The following ARHGEF10L variants were observed in gnomAD, a reference collection of about 807,000 sequenced individuals.
ARHGEF10L encodes the protein rho guanine nucleotide exchange factor 10-like protein.
A neutral mutation model predicts 141.2 loss-of-function variants in ARHGEF10L; 69 were observed. That is an observed-to-expected ratio of 0.49 (90% CI 0.40 to 0.60). The LOEUF (loss-of-function observed/expected upper bound fraction) is 0.60. Among genes scored for constraint, ARHGEF10L ranks in the 20% least tolerant of loss-of-function variants. ARHGEF10L has a pLI of 0.00. For missense variants in ARHGEF10L, 1,482 were observed against 1,734.3 expected, an observed-to-expected ratio of 0.85 and a Z score of 2.58; for synonymous variants, 711 against 718.5, an observed-to-expected ratio of 0.99 and a Z score of 0.17.
chr1:17,637,503 T>C (rs1426616266), intron 18 of ARHGEF10L, among the ~76,000 whole-genome samples: 3 of 139,678 alleles, frequency 2.1e-5, no homozygotes, highest in African/African-American at 9.3e-5. Context: ...TCTGGAACTC[T>C]TTCTTTTTTT....
At chr1:17,553,694 C>T (rs1248192223) in intron 1 of ARHGEF10L, among the ~76,000 whole-genome samples, 1 of 152,088 alleles carries the variant, frequency 6.6e-6, no homozygotes, top group East Asian at 1.9e-4. Flanking sequence ...GAGGCTGAGG[C>T]GGAAAGATGG....
chr1:17,526,023 A>G, the ARHGEF10L span, among the ~76,000 whole-genome samples: 1 of 151,638 alleles, frequency 6.6e-6, no homozygotes, highest in Non-Finnish European at 1.5e-5. Context: ...AAAAAAGAAA[A>G]GAAAAAAGAA....
At position 17,627,271 on chromosome 1, in the gene ARHGEF10L, C is replaced by T; in HGVS notation, c.1411-59C>T. On this transcript the variant is annotated intron_variant, in intron 14 of 28. Transcript: ENST00000361221. The surrounding 1 kb of genome is among the most constrained non-coding windows in gnomAD (Gnocchi z 4.0). ...GGGTTGCGCAGGGTGAGGCTTTGCC[C>T]CAGGCTGGGGTAGAGTTGGTCATGG... 6.3e-7 allele frequency: 1 copy of T among 1,582,032 alleles called. No individual in the cohort carries two copies. The highest frequency in any genetic ancestry group is 8.6e-7 in the Non-Finnish European group (1 of 1,159,664).
At chr1:17,539,064 GTTACTC>G (rs1019377825), upstream of ARHGEF10L, among the ~76,000 whole-genome samples, 4 of 152,260 alleles carry the variant, frequency 2.6e-5, no homozygotes, top group Admixed American at 6.5e-5. This position sits in a 1 kb window ranked among gnomAD's most constrained non-coding sequence, Gnocchi z 6.0. Context: ...GCTTTGCCAA[GTTACTC>G]TCAGTTCTGA....
chr1:17,613,421 A>G (rs2059648594), intron 8 of ARHGEF10L, among the ~76,000 whole-genome samples: 1 of 152,198 alleles, frequency 6.6e-6, no homozygotes, highest in Non-Finnish European at 1.5e-5. Flanking sequence ...TGAAACCCTG[A>G]TAGTCCACAA....
At position 17,578,005 on chromosome 1, in the gene ARHGEF10L, G is replaced by A. The variant is rs527642561; in HGVS notation, c.-43-2548G>A. Among the ~76,000 whole-genome samples, 40 of 152,310 alleles carry A rather than the reference G, an allele frequency of 2.6e-4. 1 individual carries two copies. Among genetic ancestry groups the A allele is most frequent in the Admixed American group, 8.5e-4 (13 of 15,304 alleles). On this transcript the variant is annotated intron_variant, in intron 1 of 28. Transcript: ENST00000361221. ...GGGAGGACATTGGACTTTCTGCCCT[G>A]GAAGGGAAGGATCCTGGGTTTTGGC...
chr1:17,577,631 C>T (rs1010750042), intron 1 of ARHGEF10L, among the ~76,000 whole-genome samples: 3 of 152,278 alleles, frequency 2.0e-5, no homozygotes, highest in South Asian at 4.1e-4. Context: ...GTCCTCGTCC[C>T]GACACTTCAG....
At chr1:17,647,159 G>T (rs912572747) in intron 21 of ARHGEF10L, among the ~76,000 whole-genome samples, 16 of 152,278 alleles carry the variant, frequency 1.1e-4, no homozygotes, top group African/African-American at 3.9e-4. Flanking sequence ...CAGCGGGCGC[G>T]GTTGCTGAAG....
chr1:17,670,134 A>G (rs2063227831), intron 26 of ARHGEF10L, among the ~76,000 whole-genome samples: 1 of 152,266 alleles, frequency 6.6e-6, no homozygotes, highest in African/African-American at 2.4e-5. Flanking sequence ...AAGTGGCCAG[A>G]AGGCCTCCAA....
chr1:17,626,639 GTTTA>G (rs1253400464), intron 14 of ARHGEF10L, among the ~76,000 whole-genome samples: 2 of 152,184 alleles, frequency 1.3e-5, no homozygotes, highest in East Asian at 1.9e-4. Flanking sequence ...TGATCTATAA[GTTTA>G]TTTATTTACC....
intron 1 of ARHGEF10L, among the ~76,000 whole-genome samples, chr1:17,542,275 AT>A (rs1018397009): frequency 2.0e-5 from 3 of 151,760 alleles, no homozygotes; most frequent in African/African-American, 7.3e-5. Flanking sequence ...ACAAGAGAAC[AT>A]GTCTCTACAA....
At position 17,697,390 on chromosome 1, in the gene ARHGEF10L, TCTCCC is replaced by T; in HGVS notation, c.*14_*18del. 6.4e-7 allele frequency: 1 copy of T among 1,572,746 alleles called. No homozygotes were observed. The highest frequency in any genetic ancestry group is 8.6e-7 in the Non-Finnish European group (1 of 1,157,038). ...GCCCTTGATGCTATAGCGCCTCCCC[TCTCCC>T]CTCAGAGGGCACAGCTGCAGGCCTG... On this transcript the variant is annotated 3_prime_UTR_variant, in exon 29 of 29. Coordinates refer to ENST00000361221, the MANE Select transcript of ARHGEF10L (RefSeq NM_018125.4). This position sits in a 1 kb window ranked among gnomAD's most constrained non-coding sequence, Gnocchi z 4.8.
chr1:17,618,541 G>A (rs1467885177), intron 9 of ARHGEF10L: 2 of 1,383,602 alleles, frequency 1.4e-6, no homozygotes, highest in Non-Finnish European at 1.9e-6. Context: ...CTATTGGGGT[G>A]TCTCTACCCC....
chr1:17,590,045 C>T (rs1337248648), intron 4 of ARHGEF10L, among the ~76,000 whole-genome samples: 1 of 152,092 alleles, frequency 6.6e-6, no homozygotes, highest in Non-Finnish European at 1.5e-5. Context: ...TCAGCACACT[C>T]ACTTCCTTCA....
intron 26 of ARHGEF10L, among the ~76,000 whole-genome samples, chr1:17,682,674 CAGTAAAT>C (rs1207281969): frequency 6.6e-6 from 1 of 152,100 alleles, no homozygotes; most frequent in African/African-American, 2.4e-5. Context: ...AGCGCTCACC[CAGTAAAT>C]AGCTGTGTCT....
intron 1 of ARHGEF10L, among the ~76,000 whole-genome samples, chr1:17,567,469 C>T (rs972203070): frequency 2.0e-5 from 3 of 152,270 alleles, no homozygotes; most frequent in African/African-American, 4.8e-5. Flanking sequence ...CAGGTTCAAG[C>T]GATGCTCCTG....
intron 1 of ARHGEF10L, among the ~76,000 whole-genome samples, chr1:17,556,313 G>T (rs1212505847): frequency 7.1e-6 from 1 of 141,208 alleles, no homozygotes; most frequent in Non-Finnish European, 1.5e-5. Context: ...CTGGGAGCAC[G>T]GGGGTGGGCC....
chr1:17,619,226 G>A lies in ARHGEF10L; in HGVS notation c.836-113G>A, dbSNP rs1316094098. On this transcript the variant is annotated intron_variant, in intron 9 of 28. Coordinates refer to ENST00000361221, the MANE Select transcript of ARHGEF10L (RefSeq NM_018125.4). This position sits in a 1 kb window ranked among gnomAD's most constrained non-coding sequence, Gnocchi z 5.0. ...CCCCACGGGGCCCCAGGAGCTGCTTGCACCCTAGGACCTGGGTCCAAGGCT... is the reference window on the plus strand; with the variant it reads ...CCCCACGGGGCCCCAGGAGCTGCTTACACCCTAGGACCTGGGTCCAAGGCT... 1 of 1,024,476 alleles carries A rather than the reference G, an allele frequency of 9.8e-7. No individual in the cohort carries two copies. Among genetic ancestry groups the A allele is most frequent in the Non-Finnish European group, 1.4e-6 (1 of 690,300 alleles). 63.5% of individuals were successfully genotyped at this position (1,024,476 alleles called of 1,614,324 possible). A position where few individuals can be genotyped will look rare whatever the true frequency, so the allele number is the denominator to read the frequency against.
At chr1:17,661,330 G>C (rs376118357) in intron 25 of ARHGEF10L, among the ~76,000 whole-genome samples, 31 of 152,324 alleles carry the variant, frequency 2.0e-4, no homozygotes, top group African/African-American at 7.5e-4. Context: ...CGGCCGCCCC[G>C]GCCTCCCAAA....
Sources: allele counts gnomAD v4.1 joint callset (sites outside exome capture counted in the v4.1 genomes callset), GRCh38; gene constraint gnomAD v4.1.1; non-coding constraint Gnocchi (gnomAD v3.1); transcripts MANE v1.5; gene names NCBI Gene and HGNC (gene_info 2026-07-23, HGNC 2026-07-21).